Variants in LRP1B observed in about 807,000 individuals in gnomAD.
LRP1B encodes low-density lipoprotein receptor-related protein 1B.
LRP1B carries 217 observed loss-of-function variants against 556.6 expected under a neutral mutation model. That is an observed-to-expected ratio of 0.39 (90% CI 0.35 to 0.44). The LOEUF (loss-of-function observed/expected upper bound fraction) is 0.44, where lower values mean the gene tolerates loss of function less well. Among genes scored for constraint, LRP1B ranks in the 20% least tolerant of loss-of-function variants. The pLI is 1.00. For missense variants in LRP1B, 5,053 were observed against 5,620.8 expected, an observed-to-expected ratio of 0.90 and a Z score of 3.23; for synonymous variants, 2,047 against 1,865.8, an observed-to-expected ratio of 1.10 and a Z score of -2.50.
chr2:141,817,321 T>G (rs534990568), intron 1 of LRP1B, among the ~76,000 whole-genome samples: 8 of 152,234 alleles, frequency 5.3e-5, no homozygotes, highest in African/African-American at 1.7e-4. Context: ...GCTAGTACCA[T>G]GTATATCTTT....
chr2:140,537,695 C>T (rs911780558), intron 45 of LRP1B, among the ~76,000 whole-genome samples: 6 of 151,966 alleles, frequency 3.9e-5, no homozygotes, highest in African/African-American at 1.5e-4. Context: ...CAGAAAGTCA[C>T]ATTTCTAAAT....
intron 1 of LRP1B, among the ~76,000 whole-genome samples, chr2:141,931,740 T>C (rs1450687688): frequency 1.3e-5 from 2 of 151,982 alleles, no homozygotes; most frequent in Non-Finnish European, 2.9e-5. Flanking sequence ...TTAATTAAGA[T>C]GAATAAATAC....
In LRP1B at chr2:140,840,011, T is replaced by C. The variant is rs1692049445; in HGVS notation, c.5189A>G (p.Gln1730Arg). 1 of 1,610,348 alleles carries C rather than the reference T, an allele frequency of 6.2e-7. No homozygotes were observed. The highest frequency in any genetic ancestry group is 1.7e-5 in the Admixed American group (1 of 59,380). The change falls in exon 31 of 91, where the codon CAG becomes CGG. Residue 1730 changes from glutamine (Q) to arginine (R), a missense_variant. Physicochemically the swap from Gln to Arg is conservative, Grantham distance 43 (BLOSUM62 1). Around this residue, in one of 5 missense-constraint regions of LRP1B, gnomAD observed 3,619 missense variants for 3,931.9 expected, o/e 0.92. Transcript: ENST00000389484. ...MDGSNSKILF[Q>R]NQKEPVGLSI... is the part of the protein sequence containing the mutation. Reference sequence around the variant, plus strand: ...CTTACCAACTGGCTCCTTCTGATTCTGAAACAGAATCTTGCTATTACTGCC... The same window carrying C: ...CTTACCAACTGGCTCCTTCTGATTCCGAAACAGAATCTTGCTATTACTGCC...
In LRP1B at chr2:140,986,682, A is replaced by G. The variant is rs532235305; in HGVS notation, c.2770+2850T>C. Reference sequence around the variant, plus strand: ...TTCCCATGTGCTTCCATGTGGATCAACTTAGCAATTTGAATATTGCATTAG... The same window carrying G: ...TTCCCATGTGCTTCCATGTGGATCAGCTTAGCAATTTGAATATTGCATTAG... On this transcript the variant is annotated intron_variant, in intron 17 of 90. Transcript: ENST00000389484. Among the ~76,000 whole-genome samples the G allele has an allele frequency of 4.6e-5, 7 of 152,282 alleles. No individual in the cohort carries two copies. The South Asian group carries it at 1.5e-3, about 32-fold the overall frequency.
At chr2:141,804,797 T>C (rs948862166) in intron 2 of LRP1B, among the ~76,000 whole-genome samples, 1 of 152,022 alleles carries the variant, frequency 6.6e-6, no homozygotes, top group African/African-American at 2.4e-5. Context: ...GTACTACCAT[T>C]TCCATTGTAC....
intron 41 of LRP1B, among the ~76,000 whole-genome samples, chr2:140,627,354 A>G (rs951600597): frequency 3.3e-5 from 5 of 152,172 alleles, no homozygotes; most frequent in Admixed American, 6.5e-5. Flanking sequence ...AAAAGCAGGC[A>G]GAGGAACGCA....
intron 4 of LRP1B, among the ~76,000 whole-genome samples, chr2:141,252,815 G>A (rs1007188973): frequency 1.3e-5 from 2 of 152,090 alleles, no homozygotes; most frequent in African/African-American, 4.8e-5. Context: ...TGGAAATACA[G>A]TTTTGAGAAA....
chr2:141,402,536 AT>A (rs1386987276), intron 3 of LRP1B, among the ~76,000 whole-genome samples: 1 of 152,116 alleles, frequency 6.6e-6, no homozygotes, highest in Non-Finnish European at 1.5e-5. Context: ...GTAAAAAAAA[AT>A]CTCAAAGTAA....
chr2:140,616,174 T>C (rs1252675371), intron 41 of LRP1B, among the ~76,000 whole-genome samples: 1 of 152,084 alleles, frequency 6.6e-6, no homozygotes, highest in African/African-American at 2.4e-5. Flanking sequence ...ATTTTTTCCC[T>C]GTAGTTATTA....
rs201039395 is a variant in LRP1B, at chr2:141,796,487, T to TA, written c.205+13791dup. 3.0e-3 allele frequency among the ~76,000 whole-genome samples: 454 copies of TA among 151,764 alleles called. 3 individuals are homozygous for TA. Among genetic ancestry groups the TA allele is most frequent in the African/African-American group, 0.01 (429 of 41,490 alleles). On this transcript the variant is annotated intron_variant, in intron 2 of 90. Coordinates refer to ENST00000389484, the MANE Select transcript of LRP1B (RefSeq NM_018557.3). ...GGATGCTATTATAGGCAGGCTCTTTTAAAAAAAACTAGGACCAGTATGGAT... is the reference window on the plus strand; with the variant it reads ...GGATGCTATTATAGGCAGGCTCTTTTAAAAAAAAACTAGGACCAGTATGGAT...
intron 63 of LRP1B, among the ~76,000 whole-genome samples, chr2:140,447,745 T>C (rs1172137686): frequency 6.6e-6 from 1 of 152,170 alleles, no homozygotes; most frequent in South Asian, 2.1e-4. Context: ...TTGAGATGCC[T>C]TTCTCACTAA....
chr2:141,120,370 T>C (rs1216618330), intron 7 of LRP1B, among the ~76,000 whole-genome samples: 1 of 151,814 alleles, frequency 6.6e-6, no homozygotes, highest in Non-Finnish European at 1.5e-5. Context: ...GTAATAAGGG[T>C]TTTTTAAAAT....
At chr2:141,027,216 GTC>G (rs1698240941) in intron 11 of LRP1B, among the ~76,000 whole-genome samples, 1 of 152,106 alleles carries the variant, frequency 6.6e-6, no homozygotes, top group African/African-American at 2.4e-5. Flanking sequence ...TATAGTGAAA[GTC>G]TGCAAATTTT....
chr2:141,658,403 A>C (rs1690093518), intron 2 of LRP1B, among the ~76,000 whole-genome samples: 1 of 152,200 alleles, frequency 6.6e-6, no homozygotes, highest in Non-Finnish European at 1.5e-5. Context: ...TACAAGAGCT[A>C]AGTAGGTAAC....
chr2:141,150,391 C>A (rs1358723592), intron 7 of LRP1B, among the ~76,000 whole-genome samples: 1 of 152,148 alleles, frequency 6.6e-6, no homozygotes, highest in African/African-American at 2.4e-5. Flanking sequence ...CCTCAGATCA[C>A]AAAACTTTCT....
At chr2:140,291,580 G>T (rs546256556) in intron 84 of LRP1B, among the ~76,000 whole-genome samples, 11 of 151,710 alleles carry the variant, frequency 7.3e-5, no homozygotes, top group Non-Finnish European at 1.5e-4. Flanking sequence ...TTGTCCTTGC[G>T]ATAGTTTGCT....
chr2:141,323,906 A>C (rs1233516012), intron 3 of LRP1B, among the ~76,000 whole-genome samples: 1 of 133,758 alleles, frequency 7.5e-6, no homozygotes, highest in East Asian at 2.0e-4. Context: ...ACACACACAC[A>C]CCTGAACGAG....
At chr2:141,785,533 G>A (rs2105649138) in intron 2 of LRP1B, among the ~76,000 whole-genome samples, 1 of 151,874 alleles carries the variant, frequency 6.6e-6, no homozygotes, top group Admixed American at 6.6e-5. Context: ...CTATGTATAA[G>A]AGATGTGAAA....
At chr2:141,639,308 A>G (rs966759634) in intron 2 of LRP1B, among the ~76,000 whole-genome samples, 78 of 5,568 alleles carry the variant, frequency 0.014, no homozygotes, top group African/African-American at 0.032. Flanking sequence ...ATGTGTGTAT[A>G]TATATATATA....
Sources: gnomAD v4.1 joint callset for allele counts (sites outside exome capture counted in the v4.1 genomes callset) on GRCh38, gnomAD v4.1.1 for gene constraint, gnomAD v4.1.1 regional missense constraint, MANE v1.5 for transcripts, NCBI Gene and HGNC (gene_info 2026-07-23, HGNC 2026-07-21) for gene names.